XK: variants seen among roughly 807,000 people sequenced by gnomAD.
The protein encoded by XK is X-linked Kx blood group antigen, Kell and VPS13A binding protein, also known as endoplasmic reticulum membrane adapter protein XK.
A neutral mutation model predicts 14.0 loss-of-function variants in XK; 2 were observed. That is an observed-to-expected ratio of 0.14 (90% CI 0.06 to 0.45). The LOEUF is 0.45. Among genes scored for constraint, XK ranks in the 20% least tolerant of loss-of-function variants. The pLI is 0.98. For synonymous variants in XK, 149 were observed against 147.5 expected (o/e 1.01, Z -0.08); for missense variants, 235 against 341.5 (o/e 0.69, Z 2.46).
chrX:37,686,199 C>T lies in XK; in HGVS notation c.238C>T (p.Leu80Phe), dbSNP rs1556440169. 2 of 1,207,739 alleles carry T rather than the reference C, an allele frequency of 1.7e-6. No individual in the cohort carries two copies. Among genetic ancestry groups the T allele is most frequent in the Non-Finnish European group, 1.1e-6 (1 of 894,640 alleles). The change falls in exon 1 of 3, where the codon CTT (leucine) becomes TTT (phenylalanine). Residue 80 changes from leucine (L) to phenylalanine (F), a missense_variant. Coordinates refer to ENST00000378616, the MANE Select transcript of XK (RefSeq NM_021083.4). ...LLLHLLQLGP[L>F]FRCFEVFCIY... Reference sequence around the variant, plus strand: ...GCTGCACCTGCTGCAACTTGGGCCCCTTTTCAGGTGCGTGCAGAAGCCCAG... The same window carrying T: ...GCTGCACCTGCTGCAACTTGGGCCCTTTTTCAGGTGCGTGCAGAAGCCCAG...
At chrX:37,724,692 C>T (rs985725455) in intron 2 of XK, among the ~76,000 whole-genome samples, 3 of 111,003 alleles carry the variant, frequency 2.7e-5, no homozygotes, top group Non-Finnish European at 5.7e-5. Context: ...AGAAGACGCT[C>T]TCAAGAGAAT....
chrX:37,707,607 G>A (rs1439231152), intron 2 of XK, among the ~76,000 whole-genome samples: 9 of 110,579 alleles, frequency 8.1e-5, no homozygotes, highest in African/African-American at 1.7e-4. Flanking sequence ...CCTCTCAGAC[G>A]GGGCAGCGGG....
In XK at chrX:37,727,903, G is replaced by A. The variant is rs782112080; in HGVS notation, c.776G>A (p.Ser259Asn). 41 of 1,209,131 alleles carry A rather than the reference G, an allele frequency of 3.4e-5. No individual in the cohort carries two copies. The highest frequency in any genetic ancestry group is 4.5e-5 in the Non-Finnish European group (40 of 894,980). ...FLYPWILFWC[S>N]GSPFPENIEK... is the part of the protein sequence containing the mutation. The stretch of plus-strand genomic sequence containing the variant: ...TACCCCTGGATCCTCTTCTGGTGCA[G>A]TGGTTCCCCATTCCCTGAGAACATA... Residue 259 changes from serine to asparagine, a missense_variant, in exon 3 of 3, where the codon AGT becomes AAT. Physicochemically the swap from Ser to Asn is conservative, Grantham distance 46. Transcript: ENST00000378616.
At chrX:37,699,930 C>T in intron 2 of XK, among the ~76,000 whole-genome samples, 1 of 111,013 alleles carries the variant, frequency 9.0e-6, no homozygotes, top group Admixed American at 9.6e-5. Context: ...GAGGCTCAGG[C>T]TAGTGGGAAA....
At chrX:37,692,505 A>G (rs1190692402) in intron 1 of XK, among the ~76,000 whole-genome samples, 1 of 111,969 alleles carries the variant, frequency 8.9e-6, no homozygotes, top group African/African-American at 3.2e-5. Flanking sequence ...TGTTCAAGCA[A>G]TTCTCCTGCC....
chrX:37,705,941 G>C (rs1927518710), intron 2 of XK, among the ~76,000 whole-genome samples: 1 of 105,798 alleles, frequency 9.5e-6, no homozygotes, highest in Non-Finnish European at 1.9e-5. Flanking sequence ...TTTTGAGACA[G>C]GATCTAACTT....
At position 37,685,955 on chromosome X, in the gene XK, C is replaced by T. The variant is rs1311341939; in HGVS notation, c.-7C>T. 2 of 1,203,846 alleles carry T rather than the reference C, an allele frequency of 1.7e-6. No individual in the cohort carries two copies. Among genetic ancestry groups the T allele is most frequent in the Admixed American group, 2.2e-5 (1 of 45,683 alleles). ...CCGTCCCCGGTGAGCGCCGCTGACG[C>T]GCGGAGATGAAATTCCCGGCCTCGG... is the stretch of plus-strand genomic sequence containing the variant. On this transcript the variant is annotated 5_prime_UTR_variant, in exon 1 of 3. Coordinates refer to ENST00000378616, the MANE Select transcript of XK (RefSeq NM_021083.4).
At chrX:37,720,353 A>T (rs781806749) in intron 2 of XK, among the ~76,000 whole-genome samples, 108 of 110,733 alleles carry the variant, frequency 9.8e-4, no homozygotes, top group African/African-American at 3.4e-3. Context: ...TGACAGAAAT[A>T]ATGGATTAAA....
rs1478509548 is a variant in XK at position 37,699,327 on chromosome X, C to T, written c.508+4779C>T. Among the ~76,000 whole-genome samples the T allele has an allele frequency of 7.1e-5, 8 of 111,908 alleles. No homozygotes were observed. The South Asian group carries it at 1.1e-3, about 16-fold the overall frequency. On this transcript the variant is annotated intron_variant, in intron 2 of 2. Coordinates refer to ENST00000378616, the MANE Select transcript of XK (RefSeq NM_021083.4). ...ATTTGTCTTGGTAGTGACAGGTTTG[C>T]GAGGTATATTTTACTTTCAGTTCCA...
intron 2 of XK, among the ~76,000 whole-genome samples, chrX:37,724,998 A>C (rs1556449743): frequency 8.9e-6 from 1 of 111,978 alleles, no homozygotes; most frequent in Non-Finnish European, 1.9e-5. Context: ...GGCTTGAAAA[A>C]TAAGGAAATT....
At chrX:37,723,684 T>C (rs957438453) in intron 2 of XK, among the ~76,000 whole-genome samples, 3 of 110,791 alleles carry the variant, frequency 2.7e-5, no homozygotes, top group Non-Finnish European at 5.7e-5. Flanking sequence ...TATTTTGGAG[T>C]TAAAATACCA....
At chrX:37,689,388 TCAAA>T (rs1420306784) in intron 1 of XK, among the ~76,000 whole-genome samples, 1 of 112,534 alleles carries the variant, frequency 8.9e-6, no homozygotes, top group African/African-American at 3.2e-5. Context: ...ATTATTTCCC[TCAAA>T]CAAAGGAGAG....
chrX:37,713,044 T>C (rs921710626), intron 2 of XK, among the ~76,000 whole-genome samples: 23 of 111,628 alleles, frequency 2.1e-4, no homozygotes, highest in African/African-American at 6.5e-4. Flanking sequence ...AAGAGGACCA[T>C]GTATCCATTA....
chrX:37,702,134 C>G, intron 2 of XK, among the ~76,000 whole-genome samples: 1 of 111,717 alleles, frequency 9.0e-6, no homozygotes, highest in East Asian at 2.8e-4. Flanking sequence ...AAGTGATGAG[C>G]TGAAGGAGAC....
chrX:37,715,526 C>A (rs912811318), intron 2 of XK, among the ~76,000 whole-genome samples: 4 of 111,444 alleles, frequency 3.6e-5, no homozygotes, highest in Non-Finnish European at 5.7e-5. Flanking sequence ...CAACCTTTTT[C>A]TGTAAAGGTA....
chrX:37,713,023 C>G (rs1556447057), intron 2 of XK, among the ~76,000 whole-genome samples: 2 of 111,584 alleles, frequency 1.8e-5, no homozygotes, highest in African/African-American at 6.5e-5. Flanking sequence ...GGTGTCTCCC[C>G]TGATGATTGC....
intron 2 of XK, among the ~76,000 whole-genome samples, chrX:37,707,601 T>C (rs1231581216): frequency 1.9e-5 from 2 of 107,289 alleles, no homozygotes; most frequent in East Asian, 3.0e-4. Flanking sequence ...TCCTCACCTC[T>C]CAGACGGGGC....
chrX:37,705,183 C>T (rs1989526), intron 2 of XK, among the ~76,000 whole-genome samples: 36,291 of 109,567 alleles, frequency 0.33, 6,759 homozygotes, highest in African/African-American at 0.73. Context: ...TGGTAGCTCA[C>T]GCCTGTAATC....
At chrX:37,697,450 G>A (rs1321399072) in intron 2 of XK, among the ~76,000 whole-genome samples, 2 of 111,779 alleles carry the variant, frequency 1.8e-5, no homozygotes, top group African/African-American at 6.5e-5. Context: ...ATGCAGTCCA[G>A]ATGAATAGAA....
Sources: gnomAD v4.1 joint callset for allele counts (sites outside exome capture counted in the v4.1 genomes callset) on GRCh38, gnomAD v4.1.1 for gene constraint, MANE v1.5 for transcripts, NCBI Gene and HGNC (gene_info 2026-07-23, HGNC 2026-07-21) for gene names.